VOPP1: variants seen among roughly 807,000 people sequenced by gnomAD.
VOPP1 encodes VOPP1 WW domain binding protein.
Under a neutral mutation model 23.5 loss-of-function variants are expected in VOPP1, and 8 were observed. That is an observed-to-expected ratio of 0.34 (90% CI 0.20 to 0.61). The LOEUF is 0.61. Ranked by LOEUF, VOPP1 falls within the 20% of genes least tolerant of loss-of-function variation. The pLI is 0.78. For synonymous variants in VOPP1, 83 were observed against 97.3 expected (o/e 0.85, Z 0.86); for missense variants, 174 against 238.1 (o/e 0.73, Z 1.77).
downstream of VOPP1, among the ~76,000 whole-genome samples, chr7:55,467,232 C>G (rs558658650): frequency 6.6e-6 from 1 of 152,362 alleles, no homozygotes; most frequent in East Asian, 1.9e-4. Flanking sequence ...TTGAGAACCC[C>G]TGACGTAAAG....
chr7:55,561,926 C>T, intron 1 of VOPP1: 1 of 702,630 alleles, frequency 1.4e-6, no homozygotes, highest in Non-Finnish European at 2.6e-6. Context: ...GTTGAAACGG[C>T]AGTCAAAGGA....
At chr7:55,562,302 T>C (rs554268242) in intron 1 of VOPP1, among the ~76,000 whole-genome samples, 1 of 152,180 alleles carries the variant, frequency 6.6e-6, no homozygotes, top group African/African-American at 2.4e-5. Context: ...GTGACAGTGC[T>C]AATTCCCCGT....
chr7:55,552,705 C>T (rs73141718), intron 1 of VOPP1: 1 of 1,535,596 alleles, frequency 6.5e-7, no homozygotes, highest in South Asian at 1.2e-5. Context: ...GGAGCCCCAG[C>T]CCCTCCGAAG....
At chr7:55,529,091 C>G (rs1309159097) in intron 1 of VOPP1, among the ~76,000 whole-genome samples, 1 of 152,076 alleles carries the variant, frequency 6.6e-6, no homozygotes, top group East Asian at 1.9e-4. Context: ...CATAAGAGTC[C>G]TCAATGGGCC....
intron 1 of VOPP1, among the ~76,000 whole-genome samples, chr7:55,567,700 C>T (rs1288268734): frequency 1.3e-5 from 2 of 152,150 alleles, no homozygotes; most frequent in Non-Finnish European, 2.9e-5. Flanking sequence ...TCTTGCCAGC[C>T]GGTTCATTTA....
At chr7:55,477,371 C>T (rs1432044224) in intron 4 of VOPP1, among the ~76,000 whole-genome samples, 2 of 152,198 alleles carry the variant, frequency 1.3e-5, no homozygotes, top group Non-Finnish European at 2.9e-5. Context: ...GGACGAGTGG[C>T]GACTTGGATC....
chr7:55,553,639 A>AC (rs1183627413), intron 1 of VOPP1, among the ~76,000 whole-genome samples: 1 of 149,990 alleles, frequency 6.7e-6, no homozygotes, highest in African/African-American at 2.5e-5. Flanking sequence ...CTGCAACCCC[A>AC]CCCCACCCCT....
intron 1 of VOPP1, among the ~76,000 whole-genome samples, chr7:55,568,425 A>G (rs926029928): frequency 1.3e-5 from 2 of 152,184 alleles, no homozygotes; most frequent in Non-Finnish European, 2.9e-5. Context: ...TTTGCCCAAC[A>G]GCATTGAAGC....
At chr7:55,550,696 G>A (rs1391305216) in intron 1 of VOPP1, among the ~76,000 whole-genome samples, 1 of 152,204 alleles carries the variant, frequency 6.6e-6, no homozygotes, top group Non-Finnish European at 1.5e-5. Context: ...CCGCTAACAG[G>A]CTGATGGGTA....
intron 4 of VOPP1, among the ~76,000 whole-genome samples, chr7:55,487,412 T>C (rs1793222463): frequency 6.6e-6 from 1 of 152,274 alleles, no homozygotes; most frequent in East Asian, 1.9e-4. Flanking sequence ...TCCTCCGCAA[T>C]CTCTCTCTAT....
At chr7:55,521,442 T>G in intron 1 of VOPP1, 1 of 771,196 alleles carries the variant, frequency 1.3e-6, no homozygotes, top group Non-Finnish European at 1.7e-6. Flanking sequence ...TACTTCAGAT[T>G]ACAAAAGAAT....
At chr7:55,555,622 T>C (rs1383019794) in intron 1 of VOPP1, among the ~76,000 whole-genome samples, 1 of 152,166 alleles carries the variant, frequency 6.6e-6, no homozygotes, top group Non-Finnish European at 1.5e-5. Context: ...CCTTCTCCTT[T>C]TCCTAAGTAT....
intron 1 of VOPP1, chr7:55,561,837 G>A (rs780709231): frequency 2.3e-5 from 15 of 648,544 alleles, no homozygotes; most frequent in East Asian, 1.6e-4. Context: ...TGCCCAAGTC[G>A]GGGACTTAAC....
rs553204484 is a variant in VOPP1 at position 55,552,699 on chromosome 7, C to A, written c.54+19572G>T. On this transcript the variant is annotated intron_variant, in intron 1 of 4. Transcript: ENST00000285279. ...AATGGGGGGCACTCAGGTCCTGGAG[C>A]CCCAGCCCCTCCGAAGGCAGGAGTC... 2.4e-4 allele frequency: 368 copies of A among 1,535,970 alleles called. 2 individuals carry two copies. The highest frequency in any genetic ancestry group is 1.6e-5 in the Non-Finnish European group (18 of 1,146,858).
chr7:55,518,458 C>T (rs1795617451), intron 2 of VOPP1, among the ~76,000 whole-genome samples: 1 of 152,222 alleles, frequency 6.6e-6, no homozygotes, highest in South Asian at 2.1e-4. Context: ...CAGGCCACGG[C>T]CCCATACTGA....
chr7:55,520,806 C>G (rs1795793150), intron 2 of VOPP1, among the ~76,000 whole-genome samples: 1 of 152,238 alleles, frequency 6.6e-6, no homozygotes, highest in Admixed American at 6.5e-5. Flanking sequence ...ACAGACATCT[C>G]GCCCCCTTTA....
chr7:55,495,981 G>C (rs79417970), intron 3 of VOPP1, among the ~76,000 whole-genome samples: 1 of 152,158 alleles, frequency 6.6e-6, no homozygotes, highest in African/African-American at 2.4e-5. Flanking sequence ...GTGCTGCCTC[G>C]CCAAGGTGTC....
intron 4 of VOPP1, among the ~76,000 whole-genome samples, chr7:55,474,740 C>CGAG (rs1792103878): frequency 6.6e-6 from 1 of 152,202 alleles, no homozygotes; most frequent in Non-Finnish European, 1.5e-5. Flanking sequence ...CTGGAGCCTC[C>CGAG]TGTGGGAAGG....
intron 1 of VOPP1, among the ~76,000 whole-genome samples, chr7:55,544,933 C>T (rs541055370): frequency 3.2e-4 from 49 of 152,274 alleles, no homozygotes; most frequent in African/African-American, 1.1e-3. Context: ...ATACATTTTA[C>T]TTTCGTGTAA....
Sources: allele counts gnomAD v4.1 joint callset (sites outside exome capture counted in the v4.1 genomes callset), GRCh38; gene constraint gnomAD v4.1.1; transcripts MANE v1.5; gene names NCBI Gene and HGNC (gene_info 2026-07-23, HGNC 2026-07-21).